ATP5PD: variants seen among roughly 807,000 people sequenced by gnomAD.
ATP5PD encodes the protein ATP synthase peripheral stalk subunit d, mitochondrial.
Under a neutral mutation model 22.6 loss-of-function variants are expected in ATP5PD, and 13 were observed. That is an observed-to-expected ratio of 0.58 (90% CI 0.37 to 0.91). The LOEUF (loss-of-function observed/expected upper bound fraction) is 0.91, where lower values mean the gene tolerates loss of function less well. ATP5PD is among the 40% of genes least tolerant of loss of function. The pLI is 0.00. For missense variants in ATP5PD, 165 were observed against 188.0 expected, an observed-to-expected ratio of 0.88 and a Z score of 0.72; for synonymous variants, 51 against 65.0, an observed-to-expected ratio of 0.79 and a Z score of 1.03.
chr17:75,043,926 T>C (rs2073185877), intron 1 of ATP5PD, among the ~76,000 whole-genome samples: 1 of 152,236 alleles, frequency 6.6e-6, no homozygotes, highest in South Asian at 2.1e-4. Flanking sequence ...TTTTACAAAC[T>C]TAAAAGGGCT....
At position 75,046,956 on chromosome 17, in the gene ATP5PD, G is replaced by C. The variant is rs1421865880; in HGVS notation, c.-41C>G. The C allele has an allele frequency of 1.2e-5, 2 of 169,262 alleles. No individual in the cohort carries two copies. The highest frequency in any genetic ancestry group is 3.1e-4 in the East Asian group (2 of 6,424). The allele number at this position is 169,262 out of a possible 1,614,324, so 10.5% of individuals were successfully genotyped here. ...CGACCCTGGCTGCCCACGGTCCTCC[G>C]CAGCAAGTAACGGAAGTGGGTCACG... On this transcript the variant is annotated 5_prime_UTR_variant, in exon 1 of 6. Transcript: ENST00000301587.
intron 1 of ATP5PD, among the ~76,000 whole-genome samples, chr17:75,044,407 T>G (rs546467758): frequency 8.8e-6 from 1 of 113,226 alleles, no homozygotes; most frequent in Non-Finnish European, 1.6e-5. Flanking sequence ...GGGTTTCACC[T>G]TGTTAGCCAG....
intron 2 of ATP5PD, 81 bp from the exon 3 acceptor site, chr17:75,042,358 C>T: frequency 2.6e-6 from 4 of 1,533,942 alleles, no homozygotes; most frequent in Non-Finnish European, 3.6e-6. Flanking sequence ...TCCCTTCTTC[C>T]TATGGCCTGG....
intron 5 of ATP5PD, 51 bp downstream of exon 5, chr17:75,039,158 T>C (rs1598684423): frequency 6.2e-7 from 1 of 1,612,300 alleles, no homozygotes; most frequent in Non-Finnish European, 8.5e-7. Flanking sequence ...AGATGTGTGG[T>C]CATGAAAGAG....
At chr17:75,045,161 A>C (rs1311686471) in intron 1 of ATP5PD, among the ~76,000 whole-genome samples, 1 of 152,246 alleles carries the variant, frequency 6.6e-6, no homozygotes, top group Non-Finnish European at 1.5e-5. Context: ...CACAAAAACC[A>C]GCAAGTTTTT....
intron 1 of ATP5PD, among the ~76,000 whole-genome samples, chr17:75,044,921 G>A (rs537896836): frequency 8.5e-5 from 13 of 152,332 alleles, no homozygotes; most frequent in Non-Finnish European, 1.6e-4. Context: ...TTGTGGAGGG[G>A]AGGTGTTAAG....
In ATP5PD at chr17:75,039,113, A is replaced by C. The variant is rs200412615; in HGVS notation, c.355-50T>G. 9 of 1,612,370 alleles carry C rather than the reference A, an allele frequency of 5.6e-6. No homozygotes were observed. In the Admixed American group the frequency reaches 1.5e-4, roughly 27 times the overall value. ...GTTAATGTAAACAGAGACGGAAAGC[A>C]GAATATCCAAGGCAGGTTCCTGCCA... is the stretch of plus-strand genomic sequence containing the variant. On this transcript the variant is annotated intron_variant, in intron 5 of 5. Transcript: ENST00000301587.
intron 1 of ATP5PD, among the ~76,000 whole-genome samples, chr17:75,042,951 T>C (rs935389419): frequency 2.0e-5 from 3 of 152,086 alleles, no homozygotes; most frequent in African/African-American, 7.2e-5. Context: ...CCAGGCGCAG[T>C]GGGCTCACGC....
At chr17:75,043,134 T>C (rs1233007306) in intron 1 of ATP5PD, among the ~76,000 whole-genome samples, 2 of 152,068 alleles carry the variant, frequency 1.3e-5, no homozygotes, top group Non-Finnish European at 2.9e-5. Context: ...GGCATAAGAA[T>C]CACTTGAACC....
intron 1 of ATP5PD, among the ~76,000 whole-genome samples, chr17:75,045,214 G>A (rs529129294): frequency 6.6e-6 from 1 of 152,286 alleles, no homozygotes; most frequent in African/African-American, 2.4e-5. Context: ...GAATAGGTGT[G>A]GGTGACAGAC....
intron 1 of ATP5PD, among the ~76,000 whole-genome samples, chr17:75,043,454 A>C (rs2073180559): frequency 6.6e-6 from 1 of 152,140 alleles, no homozygotes; most frequent in Admixed American, 6.5e-5. Flanking sequence ...TCTACTAAAA[A>C]ATACAAAAAT....
intron 1 of ATP5PD, among the ~76,000 whole-genome samples, chr17:75,044,961 G>A (rs61549768): frequency 0.021 from 3,241 of 152,278 alleles, 96 homozygotes; most frequent in African/African-American, 0.073. Flanking sequence ...AAAGTTACCA[G>A]GGAACCAAGC....
chr17:75,046,135 T>A (rs1438581768), intron 1 of ATP5PD, among the ~76,000 whole-genome samples: 2 of 151,980 alleles, frequency 1.3e-5, no homozygotes, highest in Non-Finnish European at 2.9e-5. Context: ...TGGGCTGGAG[T>A]GTAGTGGCGT....
intron 4 of ATP5PD, 95 bp from the exon 5 acceptor site, chr17:75,039,366 C>G: frequency 5.4e-6 from 6 of 1,108,196 alleles, no homozygotes; most frequent in Non-Finnish European, 8.1e-6. Flanking sequence ...CTCCTGCTGT[C>G]CTATTGCTCT....
intron 3 of ATP5PD, chr17:75,040,861 G>A (rs2073152632): frequency 6.6e-6 from 1 of 151,474 alleles, no homozygotes; most frequent in South Asian, 2.1e-4. Flanking sequence ...ACTCCAGCCT[G>A]GGCGACAGAG....
At chr17:75,042,333 A>G in intron 2 of ATP5PD, 56 bp from the exon 3 acceptor site, 2 of 1,583,244 alleles carry the variant, frequency 1.3e-6, no homozygotes, top group Non-Finnish European at 1.7e-6. Flanking sequence ...GAAAATTCAC[A>G]TGGTAATTTT....
chr17:75,042,216 C>T lies in ATP5PD; in HGVS notation c.184G>A (p.Ala62Thr). The stretch of plus-strand genomic sequence containing the variant: ...AAGTCATCCACCAAGCCAGCCTTGG[C>T]CACATTGGCCTTGTAGTAAGCCCAG... Reference protein sequence around the residue: ...IDWAYYKANVAKAGLVDDFEK... With the variant: ...IDWAYYKANVTKAGLVDDFEK... The change falls in exon 3 of 6, where the codon GCC becomes ACC. Residue 62 changes from alanine (A) to threonine (T), a missense_variant. Ala to Thr is a moderately conservative substitution (Grantham distance 58). Transcript: ENST00000301587. 1 of 1,614,194 alleles carries T rather than the reference C, an allele frequency of 6.2e-7. No individual in the cohort carries two copies. Among genetic ancestry groups the T allele is most frequent in the Non-Finnish European group, 8.5e-7 (1 of 1,180,012 alleles).
At position 75,039,041 on chromosome 17, in the gene ATP5PD, A is replaced by G. The variant is rs143541928; in HGVS notation, c.377T>C (p.Ile126Thr). Residue 126 changes from isoleucine to threonine, a missense_variant, in exon 6 of 6, where the codon ATT becomes ACT. Coordinates refer to ENST00000301587, the MANE Select transcript of ATP5PD (RefSeq NM_006356.3). Reference sequence around the variant, plus strand: ...CTCAATGGTCATCTGATCAAATGGAATTAAGTTCTTCATCTTCTCCATCTG... The same window carrying G: ...CTCAATGGTCATCTGATCAAATGGAGTTAAGTTCTTCATCTTCTCCATCTG... ...EKEMEKMKNL[I>T]PFDQMTIEDL... 9 of 1,613,942 alleles carry G rather than the reference A, an allele frequency of 5.6e-6. No homozygotes were observed. The highest frequency in any genetic ancestry group is 7.6e-6 in the Non-Finnish European group (9 of 1,180,012).
At chr17:75,046,686 G>A (rs962399212) in intron 1 of ATP5PD, among the ~76,000 whole-genome samples, 2 of 152,242 alleles carry the variant, frequency 1.3e-5, no homozygotes, top group African/African-American at 4.8e-5. Flanking sequence ...TTGTGGCAGC[G>A]CCTACATCAG....
Sources: gnomAD v4.1 joint callset for allele counts (sites outside exome capture counted in the v4.1 genomes callset) on GRCh38, gnomAD v4.1.1 for gene constraint, MANE v1.5 for transcripts, NCBI Gene and HGNC (gene_info 2026-07-23, HGNC 2026-07-21) for gene names.